The following NRG3 variants were observed in gnomAD, a reference collection of about 807,000 sequenced individuals.
NRG3 encodes the protein pro-neuregulin-3, membrane-bound isoform.
Under a neutral mutation model 66.9 loss-of-function variants are expected in NRG3, and 31 were observed. The observed-to-expected ratio is 0.46, with a 90% confidence interval of 0.35 to 0.63. The LOEUF (loss-of-function observed/expected upper bound fraction) is 0.63, where lower values mean the gene tolerates loss of function less well. NRG3 is among the 20% of genes least tolerant of loss of function. NRG3 has a pLI of 0.00. For missense variants in NRG3, 910 were observed against 878.9 expected (o/e 1.04, Z -0.45); for synonymous variants, 393 against 359.4 (o/e 1.09, Z -1.06).
At chr10:82,730,166 G>A (rs755521097) in intron 2 of NRG3, among the ~76,000 whole-genome samples, 13 of 147,810 alleles carry the variant, frequency 8.8e-5, no homozygotes, top group African/African-American at 3.0e-4. Context: ...GCCAATGCAA[G>A]CTCTGCCTCC....
intron 3 of NRG3, among the ~76,000 whole-genome samples, chr10:82,858,697 C>T: frequency 6.6e-6 from 1 of 152,148 alleles, no homozygotes; most frequent in East Asian, 1.9e-4. Flanking sequence ...TAAGATAAAG[C>T]ATTTATAACT....
At chr10:82,834,147 C>T (rs2062664323) in intron 3 of NRG3, among the ~76,000 whole-genome samples, 1 of 152,124 alleles carries the variant, frequency 6.6e-6, no homozygotes, top group South Asian at 2.1e-4. Flanking sequence ...GAAAGCTTTG[C>T]TATATTAATG....
At chr10:81,977,032 A>G (rs1007427080) in intron 1 of NRG3, among the ~76,000 whole-genome samples, 5 of 152,240 alleles carry the variant, frequency 3.3e-5, no homozygotes, top group African/African-American at 4.8e-5. Flanking sequence ...CACAAATACA[A>G]CAATGGTTAT....
chr10:82,350,965 C>T (rs1413295480), intron 1 of NRG3, among the ~76,000 whole-genome samples: 1 of 151,792 alleles, frequency 6.6e-6, no homozygotes, highest in Non-Finnish European at 1.5e-5. Flanking sequence ...GATCTCGGCT[C>T]ACTGCAAGCT....
intron 2 of NRG3, among the ~76,000 whole-genome samples, chr10:82,449,002 C>T (rs1479203763): frequency 6.6e-6 from 1 of 152,128 alleles, no homozygotes; most frequent in Non-Finnish European, 1.5e-5. Context: ...TGCATATTAT[C>T]TTTTACACTG....
chr10:82,831,061 C>A (rs1403012846), intron 3 of NRG3, among the ~76,000 whole-genome samples: 1 of 152,064 alleles, frequency 6.6e-6, no homozygotes, highest in African/African-American at 2.4e-5. Context: ...TTGCTCAAGA[C>A]CTATTTATGT....
At chr10:81,933,938 A>T (rs953846234) in intron 1 of NRG3, among the ~76,000 whole-genome samples, 6 of 152,226 alleles carry the variant, frequency 3.9e-5, no homozygotes, top group African/African-American at 1.4e-4. Context: ...GACTTTTTAG[A>T]AGCCTCTAAT....
intron 1 of NRG3, among the ~76,000 whole-genome samples, chr10:81,929,147 C>T (rs1847098229): frequency 6.6e-6 from 1 of 151,990 alleles, no homozygotes; most frequent in Non-Finnish European, 1.5e-5. Flanking sequence ...TTTAAATTGA[C>T]TTTTCTGTCA....
chr10:82,231,933 C>T (rs892349569), intron 1 of NRG3, among the ~76,000 whole-genome samples: 1 of 152,170 alleles, frequency 6.6e-6, no homozygotes, highest in Non-Finnish European at 1.5e-5. Context: ...TAAGAAACTG[C>T]TTTCAACTTT....
chr10:82,501,154 G>C (rs1478970629), intron 2 of NRG3, among the ~76,000 whole-genome samples: 1 of 152,068 alleles, frequency 6.6e-6, no homozygotes, highest in Non-Finnish European at 1.5e-5. Flanking sequence ...GGCAGATTTG[G>C]AAGAGATCAG....
chr10:82,901,620 C>G (rs1313710215), intron 4 of NRG3, among the ~76,000 whole-genome samples: 1 of 152,148 alleles, frequency 6.6e-6, no homozygotes, highest in Non-Finnish European at 1.5e-5. Context: ...TTCCCTGTAG[C>G]CAATAGCCAA....
intron 4 of NRG3, among the ~76,000 whole-genome samples, chr10:82,889,404 G>A (rs368510102): frequency 6.6e-6 from 1 of 152,282 alleles, no homozygotes; most frequent in Non-Finnish European, 1.5e-5. Flanking sequence ...CTTGAGAGAA[G>A]GAGGTTTGGA....
At chr10:82,058,720 T>G (rs1005793269) in intron 1 of NRG3, among the ~76,000 whole-genome samples, 7 of 152,102 alleles carry the variant, frequency 4.6e-5, no homozygotes, top group Non-Finnish European at 1.0e-4. Flanking sequence ...ACATGGAAGG[T>G]CATTCTACTT....
At chr10:82,547,393 G>GTA (rs960219708) in intron 2 of NRG3, among the ~76,000 whole-genome samples, 1 of 149,852 alleles carries the variant, frequency 6.7e-6, no homozygotes, top group African/African-American at 2.5e-5. Context: ...ATGTATATAT[G>GTA]TATATATATT....
intron 1 of NRG3, among the ~76,000 whole-genome samples, chr10:82,258,162 C>A (rs1363557008): frequency 6.6e-6 from 1 of 152,174 alleles, no homozygotes; most frequent in African/African-American, 2.4e-5. Context: ...GAATAAAATG[C>A]ATCAGTTAAA....
chr10:81,946,986 G>C (rs1047968374), intron 1 of NRG3, among the ~76,000 whole-genome samples: 9 of 152,170 alleles, frequency 5.9e-5, no homozygotes, highest in Non-Finnish European at 1.2e-4. Context: ...TAGAACAACA[G>C]AAATGTATTG....
At chr10:82,324,436 T>C (rs1317654140) in intron 1 of NRG3, among the ~76,000 whole-genome samples, 2 of 152,154 alleles carry the variant, frequency 1.3e-5, no homozygotes, top group Admixed American at 1.3e-4. Context: ...GACTTCATTA[T>C]TACTTTTTTC....
At chr10:82,667,855 G>A (rs2052925023) in intron 2 of NRG3, among the ~76,000 whole-genome samples, 1 of 152,126 alleles carries the variant, frequency 6.6e-6, no homozygotes, top group Admixed American at 6.5e-5. Context: ...ATAACTTCAT[G>A]TTTATACATA....
intron 2 of NRG3, among the ~76,000 whole-genome samples, chr10:82,502,982 G>A (rs949917385): frequency 6.6e-6 from 1 of 152,132 alleles, no homozygotes; most frequent in African/African-American, 2.4e-5. Context: ...TGTCTGATAT[G>A]TTGTGAAGAG....
Sources: gnomAD v4.1 joint callset for allele counts (sites outside exome capture counted in the v4.1 genomes callset) on GRCh38, gnomAD v4.1.1 for gene constraint, MANE v1.5 for transcripts, NCBI Gene and HGNC (gene_info 2026-07-23, HGNC 2026-07-21) for gene names.